The following DPP6 variants were observed in gnomAD, a reference collection of about 807,000 sequenced individuals.
The protein encoded by DPP6 is A-type potassium channel modulatory protein DPP6.
Under a neutral mutation model 122.6 loss-of-function variants are expected in DPP6, and 69 were observed. That is an observed-to-expected ratio of 0.56 (90% CI 0.46 to 0.69). DPP6 has a LOEUF of 0.69. Among genes scored for constraint, DPP6 ranks in the 30% least tolerant of loss-of-function variants. The pLI is 0.00. For missense variants in DPP6, 928 were observed against 1,116.9 expected, an observed-to-expected ratio of 0.83 and a Z score of 2.41; for synonymous variants, 418 against 433.1, an observed-to-expected ratio of 0.97 and a Z score of 0.43.
At position 154,566,828 on chromosome 7, in the gene DPP6, A is replaced by AT; in HGVS notation, c.553-8dup. The AT allele has an allele frequency of 6.8e-7, 1 of 1,473,200 alleles. No individual in the cohort carries two copies. The highest frequency in any genetic ancestry group is 9.4e-7 in the Non-Finnish European group (1 of 1,062,436). 91.3% of individuals were successfully genotyped at this position (1,473,200 alleles called of 1,614,324 possible). On this transcript the variant is annotated splice_polypyrimidine_tract_variant and intron_variant, in intron 4 of 25. Transcript: ENST00000377770. ...TGTAATGCTTTAAAATTCTTTGTCT[A>AT]TTTTTTCTTTTAGGAATCATTAAGA...
At chr7:154,747,794 C>T (rs1158790266) in intron 8 of DPP6, among the ~76,000 whole-genome samples, 1 of 152,140 alleles carries the variant, frequency 6.6e-6, no homozygotes, top group East Asian at 1.9e-4. Flanking sequence ...GTCCAATTCT[C>T]CACTGACACC....
At chr7:154,348,490 T>C (rs1410260032) in intron 1 of DPP6, among the ~76,000 whole-genome samples, 1 of 152,146 alleles carries the variant, frequency 6.6e-6, no homozygotes, top group African/African-American at 2.4e-5. Context: ...AAATAGAACA[T>C]AAGTGGTGAA....
At chr7:154,773,024 A>C in intron 10 of DPP6, 82 bp downstream of exon 10, 1 of 1,389,522 alleles carries the variant, frequency 7.2e-7, no homozygotes, top group East Asian at 2.7e-5. Flanking sequence ...TCTGGATCAG[A>C]TTTATCTTAC....
chr7:154,332,232 C>T (rs375344463), intron 1 of DPP6, among the ~76,000 whole-genome samples: 5 of 152,192 alleles, frequency 3.3e-5, no homozygotes, highest in East Asian at 1.9e-4. Context: ...CCACCACGCC[C>T]GGCTAATTTG....
chr7:154,150,900 C>G (rs1276957087), intron 1 of DPP6, among the ~76,000 whole-genome samples: 2 of 152,226 alleles, frequency 1.3e-5, no homozygotes, highest in Non-Finnish European at 1.5e-5. Context: ...CCTCCCCACT[C>G]TCCTCTTAAA....
chr7:154,772,254 G>T (rs144946488), intron 9 of DPP6, among the ~76,000 whole-genome samples: 3 of 152,152 alleles, frequency 2.0e-5, no homozygotes, highest in Non-Finnish European at 2.9e-5. Context: ...ATGCCCTGTC[G>T]TGGGCCTGAT....
At chr7:154,281,954 G>A (rs961102417) in intron 1 of DPP6, among the ~76,000 whole-genome samples, 1 of 152,136 alleles carries the variant, frequency 6.6e-6, no homozygotes, top group East Asian at 1.9e-4. Flanking sequence ...GATATGGTAT[G>A]GGGGGTTTGG....
At chr7:153,804,053 CTT>C in the DPP6 span, among the ~76,000 whole-genome samples, 55 of 145,464 alleles carry the variant, frequency 3.8e-4, no homozygotes, top group South Asian at 4.4e-4. Flanking sequence ...ATCCCTAGTA[CTT>C]TTTTTTTTTT....
intron 1 of DPP6, among the ~76,000 whole-genome samples, chr7:153,921,027 A>G (rs1393133910): frequency 1.3e-5 from 2 of 152,248 alleles, no homozygotes; most frequent in South Asian, 2.1e-4. Flanking sequence ...TATCTTTCAC[A>G]ATTATTGAAT....
intron 1 of DPP6, among the ~76,000 whole-genome samples, chr7:154,400,513 C>T (rs898237570): frequency 3.3e-5 from 5 of 152,098 alleles, no homozygotes; most frequent in African/African-American, 4.8e-5. Context: ...GCCATTTTAG[C>T]GGCTGCCCAC....
At chr7:154,215,826 T>C (rs1401963088) in intron 1 of DPP6, among the ~76,000 whole-genome samples, 1 of 152,056 alleles carries the variant, frequency 6.6e-6, no homozygotes, top group African/African-American at 2.4e-5. Context: ...GGTTCTTTGA[T>C]TTATTAAGTC....
chr7:153,929,634 T>C (rs1412697305), intron 1 of DPP6, among the ~76,000 whole-genome samples: 1 of 152,058 alleles, frequency 6.6e-6, no homozygotes, highest in Admixed American at 6.6e-5. Flanking sequence ...TATTTGCAAA[T>C]GGCTTTGAAG....
chr7:154,393,373 G>A (rs1005857135), intron 1 of DPP6, among the ~76,000 whole-genome samples: 3 of 152,190 alleles, frequency 2.0e-5, no homozygotes, highest in African/African-American at 7.2e-5. Context: ...ACTGAGCCTG[G>A]TATGTGGACC....
Position 154,121,456 on chromosome 7 carries a change from G to C in DPP6, c.243+68393G>C, listed in dbSNP as rs1585420122. On this transcript the variant is annotated intron_variant, in intron 1 of 25. Coordinates refer to ENST00000377770, the MANE Select transcript of DPP6 (RefSeq NM_130797.4). ...TTTTTATTGCATTCCCTAAGTTCTGGTATGTTGTGTGGTATTTTTGTTTTT... is the reference window on the plus strand; with the variant it reads ...TTTTTATTGCATTCCCTAAGTTCTGCTATGTTGTGTGGTATTTTTGTTTTT... 2.0e-5 allele frequency among the ~76,000 whole-genome samples: 3 copies of C among 152,144 alleles called. No homozygotes were observed. In the South Asian group the frequency reaches 6.2e-4, roughly 31 times the overall value.
intron 1 of DPP6, among the ~76,000 whole-genome samples, chr7:154,042,045 C>T (rs569040806): frequency 5.9e-5 from 9 of 152,262 alleles, no homozygotes; most frequent in South Asian, 2.1e-4. Flanking sequence ...GCGTGAGCCA[C>T]GGCGCCTGGC....
intron 16 of DPP6, among the ~76,000 whole-genome samples, chr7:154,810,066 G>C (rs1016716821): frequency 2.0e-5 from 3 of 152,224 alleles, no homozygotes; most frequent in African/African-American, 7.2e-5. Context: ...ATGTTGGCCA[G>C]GCTGGTCTCA....
intron 7 of DPP6, among the ~76,000 whole-genome samples, chr7:154,678,196 C>A (rs1000862575): frequency 6.6e-5 from 10 of 152,158 alleles, no homozygotes; most frequent in Non-Finnish European, 1.5e-5. Flanking sequence ...AGGATGGGGG[C>A]GGGCCAAATA....
At chr7:154,716,767 T>C (rs986186916) in intron 7 of DPP6, among the ~76,000 whole-genome samples, 1 of 151,574 alleles carries the variant, frequency 6.6e-6, no homozygotes, top group Non-Finnish European at 1.5e-5. Context: ...ATTTTCTTTT[T>C]AGATTACACA....
chr7:154,213,766 G>A (rs558324561), intron 1 of DPP6, among the ~76,000 whole-genome samples: 1 of 152,184 alleles, frequency 6.6e-6, no homozygotes, highest in East Asian at 1.9e-4. Flanking sequence ...AATCATAGGA[G>A]CAGTCTTAGC....
Sources: gnomAD v4.1 joint callset for allele counts (sites outside exome capture counted in the v4.1 genomes callset) on GRCh38, gnomAD v4.1.1 for gene constraint, MANE v1.5 for transcripts, NCBI Gene and HGNC (gene_info 2026-07-23, HGNC 2026-07-21) for gene names.